ZC3H7A: variants seen among roughly 807,000 people sequenced by gnomAD.
The protein encoded by ZC3H7A is zinc finger CCCH-type containing 7A.
In ZC3H7A, 44 loss-of-function variants were observed where a neutral mutation model predicts 125.5. That is an observed-to-expected ratio of 0.35 (90% confidence interval 0.28 to 0.45). The LOEUF (loss-of-function observed/expected upper bound fraction) is 0.45. Ranked by LOEUF, ZC3H7A falls within the 20% of genes least tolerant of loss-of-function variation. The probability of loss-of-function intolerance (pLI) is 1.00; values close to 1 mark genes in which losing one functional copy is unlikely to be tolerated. For synonymous variants in ZC3H7A, 399 were observed against 391.2 expected, an observed-to-expected ratio of 1.02 and a Z score of -0.23; for missense variants, 977 against 1,170.7, an observed-to-expected ratio of 0.83 and a Z score of 2.41.
At chr16:11,755,592 C>G (rs1438780999) in intron 21 of ZC3H7A, among the ~76,000 whole-genome samples, 1 of 152,122 alleles carries the variant, frequency 6.6e-6, no homozygotes, top group Non-Finnish European at 1.5e-5. Flanking sequence ...GGGCCTCCCA[C>G]TAGGGAAGAG....
rs372557114 is a variant in ZC3H7A at position 11,751,327 on chromosome 16, T to C, written c.2906A>G (p.Asp969Gly). 1 of 1,611,816 alleles carries C rather than the reference T, an allele frequency of 6.2e-7. No individual in the cohort carries two copies. Among genetic ancestry groups the C allele is most frequent in the Non-Finnish European group, 8.5e-7 (1 of 1,179,220 alleles). ...DFGKYSFLFK[D>G]LN is the part of the protein sequence containing the mutation. ...ATAAAAGCCAGCATATTAGTTTAAA[T>C]CTTTAAACAAAAAACTATATTTTCC... The change falls in exon 23 of 23, where the codon GAT (aspartate) becomes GGT (glycine). Residue 969 changes from aspartate to glycine, a missense_variant. Physicochemically the swap from Asp to Gly is moderately conservative, Grantham distance 94. This residue lies in a region of ZC3H7A where 436 missense variants were observed against 603.2 expected (regional missense o/e 0.72). Transcript: ENST00000355758.
chr16:11,791,923 T>C (rs1197750255), intron 1 of ZC3H7A, among the ~76,000 whole-genome samples: 6 of 152,246 alleles, frequency 3.9e-5, no homozygotes, highest in Admixed American at 2.0e-4. Context: ...TTTTTTGTTT[T>C]GTCTTTGAGA....
chr16:11,764,981 C>G lies in ZC3H7A; in HGVS notation c.1820+72G>C, dbSNP rs975285373. 25 of 1,019,776 alleles carry G rather than the reference C, an allele frequency of 2.5e-5. No homozygotes were observed. In the African/African-American group the frequency reaches 4.2e-4, roughly 17 times the overall value. The allele number at this position is 1,019,776 out of a possible 1,614,324, so 63.2% of individuals were successfully genotyped here. On this transcript the variant is annotated intron_variant, in intron 15 of 22. Transcript: ENST00000355758. ...AAGGGCAATGCCTGGACAGACATTA[C>G]TACTAGTTTTTATTCAGATCTAGAA...
intron 1 of ZC3H7A, chr16:11,782,601 CTT>C (rs896160381): frequency 0.02 from 2,562 of 130,110 alleles, no homozygotes; most frequent in South Asian, 0.062. Flanking sequence ...TTTTCATATT[CTT>C]TTTTTTTTTT....
chr16:11,767,717 T>G, intron 12 of ZC3H7A, 139 bp from the exon 13 acceptor site: 1 of 817,250 alleles, frequency 1.2e-6, no homozygotes, highest in Non-Finnish European at 1.8e-6. Context: ...AACCCTAAAA[T>G]GTAAGTAGGC....
At chr16:11,763,104 T>G in intron 16 of ZC3H7A, 2 of 258,646 alleles carry the variant, frequency 7.7e-6, no homozygotes, top group East Asian at 7.8e-5. Flanking sequence ...GGTCTCCAAA[T>G]TCCTTTTTGT....
chr16:11,756,151 G>C lies in ZC3H7A; in HGVS notation c.2562+86C>G, dbSNP rs576603390. On this transcript the variant is annotated intron_variant, in intron 21 of 22. Coordinates refer to ENST00000355758, the MANE Select transcript of ZC3H7A (RefSeq NM_014153.4). ...GCACTCCAGCCTGGTGACACAACGA[G>C]ACTCCATCTCAAAAAAAAGAAAAGG... The C allele has an allele frequency of 9.2e-5, 141 of 1,530,686 alleles. No homozygotes were observed. The African/African-American group carries it at 1.8e-3, about 19-fold the overall frequency. 94.8% of individuals were successfully genotyped at this position (1,530,686 alleles called of 1,614,324 possible). A position where few individuals can be genotyped will look rare whatever the true frequency, so the allele number is the denominator to read the frequency against.
rs2052845630 is a variant in ZC3H7A, at chr16:11,765,761, G to GT, written c.1523-77dup. On this transcript the variant is annotated intron_variant, in intron 13 of 22. Coordinates refer to ENST00000355758, the MANE Select transcript of ZC3H7A (RefSeq NM_014153.4). This position sits in a 1 kb window ranked among gnomAD's most constrained non-coding sequence, Gnocchi z 4.8. ...ACTCCCAGCTACTTGGGAGGCTGAG[G>GT]TGGGAGGATCCCTTGAGCCCAGGAG... is the stretch of plus-strand genomic sequence containing the variant. 6 of 1,441,368 alleles carry GT rather than the reference G, an allele frequency of 4.2e-6. No homozygotes were observed. The highest frequency in any genetic ancestry group is 4.7e-6 in the Non-Finnish European group (5 of 1,063,676). 89.3% of individuals were successfully genotyped at this position (1,441,368 alleles called of 1,614,324 possible).
rs749212815 is a variant in ZC3H7A at position 11,751,492 on chromosome 16, G to C, written c.2741C>G (p.Thr914Ser). ...TTTACAGCTGTTTCCTTCTGGGCAG[G>C]TGCCATTCATATACCTGTAAGGAGA... is the stretch of plus-strand genomic sequence containing the variant. ...FSICDRYMNG[T>S]CPEGNSCKFA... Residue 914 changes from threonine to serine, a missense_variant, in exon 23 of 23, where the codon ACC becomes AGC. By Grantham distance (58) the Thr-to-Ser change is moderately conservative. Around this residue, in one of 3 missense-constraint regions of ZC3H7A, gnomAD observed 436 missense variants for 603.2 expected, o/e 0.72. Transcript: ENST00000355758. 2.5e-6 allele frequency: 4 copies of C among 1,613,904 alleles called. No individual in the cohort carries two copies. In the South Asian group the frequency reaches 4.4e-5, roughly 18 times the overall value.
intron 4 of ZC3H7A, among the ~76,000 whole-genome samples, 172 bp downstream of exon 4, chr16:11,778,994 G>A (rs894421361): frequency 6.6e-6 from 1 of 152,124 alleles, no homozygotes; most frequent in East Asian, 1.9e-4. Context: ...TTACAGGCGT[G>A]AGCCACCGTG....
At chr16:11,760,140 A>AAAAAAAAAAAAAAAAAAG (rs1567374789) in intron 19 of ZC3H7A, among the ~76,000 whole-genome samples, 1 of 149,598 alleles carries the variant, frequency 6.7e-6, no homozygotes, top group African/African-American at 2.5e-5. Context: ...AAAAAAAAAA[A>AAAAAAAAAAAAAAAAAAG]AAAAAGAAAA....
At chr16:11,758,635 T>C in intron 19 of ZC3H7A, 96 bp from the exon 20 acceptor site, 1 of 731,058 alleles carries the variant, frequency 1.4e-6, no homozygotes, top group South Asian at 1.7e-5. Context: ...TTATCCATGC[T>C]AATACTTAGT....
intron 4 of ZC3H7A, among the ~76,000 whole-genome samples, chr16:11,777,842 A>C (rs2053107986): frequency 6.6e-6 from 1 of 151,714 alleles, no homozygotes; most frequent in Admixed American, 6.6e-5. Flanking sequence ...CGACATGGAG[A>C]CACCCCGTCT....
chr16:11,777,648 G>T lies in ZC3H7A; in HGVS notation c.307-739C>A, dbSNP rs1399184572. The stretch of plus-strand genomic sequence containing the variant: ...AAGCAGGAAAATCACTTGAACCCAG[G>T]AGACAGAGGATACAGTAAGCCGAGA... On this transcript the variant is annotated intron_variant, in intron 4 of 22. Transcript: ENST00000355758. Among the ~76,000 whole-genome samples, 3 of 152,108 alleles carry T rather than the reference G, an allele frequency of 2.0e-5. No homozygotes were observed. In the South Asian group the frequency reaches 6.2e-4, roughly 32 times the overall value.
chr16:11,768,093 A>T (rs981309184), intron 12 of ZC3H7A, among the ~76,000 whole-genome samples: 1 of 152,234 alleles, frequency 6.6e-6, no homozygotes, highest in Non-Finnish European at 1.5e-5. Flanking sequence ...TCTATTCTAC[A>T]TGATTCTATA....
intron 21 of ZC3H7A, among the ~76,000 whole-genome samples, chr16:11,754,924 T>G (rs62040620): frequency 0.22 from 30,074 of 137,654 alleles, 3,749 homozygotes; most frequent in East Asian, 0.46. Flanking sequence ...AGAATACATG[T>G]GTTGGCCGGG....
At chr16:11,782,996 C>A (rs1345980100) in intron 1 of ZC3H7A, 1 of 152,600 alleles carries the variant, frequency 6.6e-6, no homozygotes, top group Non-Finnish European at 1.5e-5. Context: ...AGTCATGTCT[C>A]CCCTTCCTTT....
intron 10 of ZC3H7A, among the ~76,000 whole-genome samples, chr16:11,770,401 C>T (rs1433051452): frequency 6.6e-6 from 1 of 152,126 alleles, no homozygotes; most frequent in African/African-American, 2.4e-5. Context: ...ATTCTAAATA[C>T]TGATCTTAAA....
At chr16:11,788,212 C>A (rs1325483741) in intron 1 of ZC3H7A, among the ~76,000 whole-genome samples, 1 of 152,108 alleles carries the variant, frequency 6.6e-6, no homozygotes, top group Non-Finnish European at 1.5e-5. Context: ...GGTCTGTCCC[C>A]ACCTCACAGG....
Sources: gnomAD v4.1 joint callset for allele counts (sites outside exome capture counted in the v4.1 genomes callset) on GRCh38, gnomAD v4.1.1 for gene constraint, gnomAD v4.1.1 regional missense constraint, Gnocchi (gnomAD v3.1) non-coding constraint, MANE v1.5 for transcripts, NCBI Gene and HGNC (gene_info 2026-07-23, HGNC 2026-07-21) for gene names.